The following ELK3 variants were observed in gnomAD, a reference collection of about 807,000 sequenced individuals.
ELK3 encodes the protein ETS domain-containing protein Elk-3.
Under a neutral mutation model 28.9 loss-of-function variants are expected in ELK3, and 10 were observed. That is an observed-to-expected ratio of 0.35 (90% CI 0.21 to 0.59). The LOEUF (loss-of-function observed/expected upper bound fraction) is 0.59, where lower values mean the gene tolerates loss of function less well. ELK3 is among the 20% of genes least tolerant of loss of function. The probability of loss-of-function intolerance (pLI) is 0.82; values close to 1 mark genes in which losing one functional copy is unlikely to be tolerated. For synonymous variants in ELK3, 272 were observed against 243.5 expected (o/e 1.12, Z -1.09); for missense variants, 463 against 517.3 (o/e 0.90, Z 1.02).
chr12:96,256,227 G>C (rs928489391), intron 3 of ELK3, among the ~76,000 whole-genome samples: 8 of 152,306 alleles, frequency 5.3e-5, no homozygotes, highest in East Asian at 1.9e-4. Context: ...AGGAGACTGA[G>C]TTGTGGGACT....
intron 1 of ELK3, among the ~76,000 whole-genome samples, chr12:96,199,803 C>A (rs1338510824): frequency 6.6e-6 from 1 of 151,928 alleles, no homozygotes; most frequent in Admixed American, 6.6e-5. Flanking sequence ...CTACTTTTTT[C>A]TAAGAATTAA....
intron 3 of ELK3, among the ~76,000 whole-genome samples, chr12:96,248,233 G>A (rs964325337): frequency 3.3e-5 from 5 of 152,200 alleles, no homozygotes; most frequent in African/African-American, 1.2e-4. Context: ...AAGAAACAAA[G>A]GGGCCACCCC....
At chr12:96,260,874 TTTGTATTATGA>T (rs1951987953) in intron 4 of ELK3, among the ~76,000 whole-genome samples, 1 of 152,122 alleles carries the variant, frequency 6.6e-6, no homozygotes, top group African/African-American at 2.4e-5. Flanking sequence ...CACGTGGCAC[TTTGTATTATGA>T]TTGCCTGTTG....
chr12:96,263,692 G>A (rs1307462581), intron 4 of ELK3, among the ~76,000 whole-genome samples: 1 of 152,182 alleles, frequency 6.6e-6, no homozygotes, highest in East Asian at 1.9e-4. Flanking sequence ...CGCCTCAGCT[G>A]GGAGGAAGGG....
At chr12:96,215,282 G>A (rs972321149) in intron 1 of ELK3, among the ~76,000 whole-genome samples, 2 of 152,140 alleles carry the variant, frequency 1.3e-5, no homozygotes, top group East Asian at 1.9e-4. Context: ...TGGGCATTTC[G>A]ACTTCTAAGA....
rs759391172 is a variant in ELK3, at chr12:96,267,099, T to C, written c.1143T>C (p.Asn381=). The C allele has an allele frequency of 6.2e-7, 1 of 1,613,180 alleles. No individual in the cohort carries two copies. Among genetic ancestry groups the C allele is most frequent in the South Asian group, 1.1e-5 (1 of 90,888 alleles). ...STLFQFPTLL[N]GHMPVPIPSL... ...CCCTACAGTTCCCCACACTGCTTAA[T>C]GGCCACATGCCAGTGCCAATCCCCA... Residue 381 remains asparagine (N), a synonymous_variant, in exon 5 of 5, where the codon AAT becomes AAC. Transcript: ENST00000228741.
chr12:96,248,625 A>G (rs916595740), intron 3 of ELK3, among the ~76,000 whole-genome samples: 3 of 152,188 alleles, frequency 2.0e-5, no homozygotes, highest in African/African-American at 7.2e-5. Context: ...AAATGGGACC[A>G]TGGACAGGCT....
intron 4 of ELK3, among the ~76,000 whole-genome samples, chr12:96,263,879 A>T (rs749149302): frequency 1.3e-5 from 2 of 152,186 alleles, no homozygotes; most frequent in Non-Finnish European, 2.9e-5. Flanking sequence ...TTTAAGCTGG[A>T]GGTAGGAGGA....
At chr12:96,216,924 C>G (rs373421764) in intron 1 of ELK3, among the ~76,000 whole-genome samples, 1 of 152,192 alleles carries the variant, frequency 6.6e-6, no homozygotes, top group East Asian at 1.9e-4. Context: ...TCCAAATAGA[C>G]AAAAGTGCTT....
chr12:96,268,036 C>G lies in ELK3; in HGVS notation c.*856C>G, dbSNP rs1464059952. ...ATTTCAAAAAATTAGCCCTGGTTTT[C>G]TCAGTTTTCCATAGGGAATCCCGAC... On this transcript the variant is annotated 3_prime_UTR_variant, in exon 5 of 5. Transcript: ENST00000228741. 6.6e-6 allele frequency: 1 copy of G among 152,136 alleles called. No individual in the cohort carries two copies. Among genetic ancestry groups the G allele is most frequent in the Non-Finnish European group, 1.5e-5 (1 of 68,012 alleles). 9.4% of individuals were successfully genotyped at this position (152,136 alleles called of 1,614,324 possible). A position where few individuals can be genotyped will look rare whatever the true frequency, so the allele number is the denominator to read the frequency against.
chr12:96,254,517 G>C lies in ELK3; in HGVS notation c.1003-5214G>C, dbSNP rs188585540. Among the ~76,000 whole-genome samples the C allele has an allele frequency of 2.1e-3, 315 of 152,192 alleles. 1 individual carries two copies. The highest frequency in any genetic ancestry group is 7.1e-3 in the African/African-American group (296 of 41,522). On this transcript the variant is annotated intron_variant, in intron 3 of 4. Coordinates refer to ENST00000228741, the MANE Select transcript of ELK3 (RefSeq NM_005230.4). Reference sequence around the variant, plus strand: ...TGCACACACACACACAATAGCCCTTGGCAAGAGTCAAACATGCAGCACAGA... The same window carrying C: ...TGCACACACACACACAATAGCCCTTCGCAAGAGTCAAACATGCAGCACAGA...
At chr12:96,242,941 C>G (rs1951831342) in intron 2 of ELK3, among the ~76,000 whole-genome samples, 1 of 152,158 alleles carries the variant, frequency 6.6e-6, no homozygotes, top group African/African-American at 2.4e-5. Flanking sequence ...TTGTCTCCAT[C>G]CCCGTCACTG....
intron 1 of ELK3, 82 bp from the exon 2 acceptor site, chr12:96,223,483 C>T: frequency 2.9e-6 from 4 of 1,378,928 alleles, no homozygotes; most frequent in Non-Finnish European, 4.1e-6. Context: ...GCTGAGTTGC[C>T]CATTCTGAAG....
intron 2 of ELK3, among the ~76,000 whole-genome samples, chr12:96,242,563 G>T (rs1026481509): frequency 1.3e-5 from 2 of 152,220 alleles, no homozygotes; most frequent in Non-Finnish European, 1.5e-5. Flanking sequence ...ACATGGCGCT[G>T]CTTCTGGGGG....
At chr12:96,209,629 TTAAAG>T (rs1300489080) in intron 1 of ELK3, among the ~76,000 whole-genome samples, 1 of 152,376 alleles carries the variant, frequency 6.6e-6, no homozygotes, top group Non-Finnish European at 1.5e-5. Context: ...TAACACCATC[TTAAAG>T]TAAGTAAATA....
intron 4 of ELK3, among the ~76,000 whole-genome samples, chr12:96,264,828 T>C (rs1445338407): frequency 6.6e-6 from 1 of 152,174 alleles, no homozygotes; most frequent in African/African-American, 2.4e-5. Flanking sequence ...TTATTGATGA[T>C]TGATGACTTA....
At chr12:96,251,259 A>C (rs1004662435) in intron 3 of ELK3, among the ~76,000 whole-genome samples, 1 of 152,134 alleles carries the variant, frequency 6.6e-6, no homozygotes, top group African/African-American at 2.4e-5. Context: ...ACACCTGTAT[A>C]AGACAGCAAA....
chr12:96,266,965 C>CTT, intron 4 of ELK3, 117 bp from the exon 5 acceptor site: 1 of 702,696 alleles, frequency 1.4e-6, no homozygotes, highest in Non-Finnish European at 2.2e-6. Flanking sequence ...CAACTAATCT[C>CTT]TATCACAGGG....
chr12:96,243,803 A>C (rs1210484534), intron 2 of ELK3, among the ~76,000 whole-genome samples: 1 of 151,618 alleles, frequency 6.6e-6, no homozygotes, highest in Non-Finnish European at 1.5e-5. Flanking sequence ...AGATCACACC[A>C]CTGCACTCTA....
Sources: allele counts gnomAD v4.1 joint callset (sites outside exome capture counted in the v4.1 genomes callset), GRCh38; gene constraint gnomAD v4.1.1; transcripts MANE v1.5; gene names NCBI Gene and HGNC (gene_info 2026-07-23, HGNC 2026-07-21).